MYH1: variants seen among roughly 807,000 people sequenced by gnomAD.
The protein encoded by MYH1 is myosin heavy chain 1.
A neutral mutation model predicts 225.6 loss-of-function variants in MYH1; 214 were observed. The observed-to-expected ratio is 0.95, with a 90% CI of 0.85 to 1.06. The LOEUF (loss-of-function observed/expected upper bound fraction) is 1.06, where lower values mean the gene tolerates loss of function less well. Among genes scored for constraint, MYH1 ranks in the 50% least tolerant of loss-of-function variants. The pLI is 0.00. For synonymous variants in MYH1, 774 were observed against 842.3 expected (o/e 0.92, Z 1.40); for missense variants, 2,098 against 2,344.2 (o/e 0.89, Z 2.17).
At position 10,498,978 on chromosome 17, in the gene MYH1, A is replaced by G. The variant is rs777358157; in HGVS notation, c.3980T>C (p.Ile1327Thr). 1.9e-6 allele frequency: 3 copies of G among 1,611,212 alleles called. No individual in the cohort carries two copies. The highest frequency in any genetic ancestry group is 1.7e-4 in the Middle Eastern group (1 of 6,058). ...AGAATGACAAGTGGAGCTTACCTTT[A>G]TCTCCTCTTCAAGTTGCCTTTTCAG... ...EELKRQLEEE[I>T]KAKSALAHAL... The change falls in exon 29 of 40, where the codon ATA becomes ACA. Residue 1327 changes from isoleucine to threonine, a missense_variant. Ile to Thr is a moderately conservative substitution (Grantham distance 89). Coordinates refer to ENST00000226207, the MANE Select transcript of MYH1 (RefSeq NM_005963.4).
rs1235182316 is a variant in MYH1 at position 10,495,307 on chromosome 17, A to G, written c.5180T>C (p.Leu1727Pro). 1 of 1,614,090 alleles carries G rather than the reference A, an allele frequency of 6.2e-7. No homozygotes were observed. The highest frequency in any genetic ancestry group is 1.3e-5 in the African/African-American group (1 of 75,016). Residue 1727 changes from leucine to proline, a missense_variant, in exon 36 of 40, where the codon CTG (leucine) becomes CCG (proline). Transcript: ENST00000226207. Reference protein sequence around the residue: ...VQLLHTQNTSLINTKKKLETD... With the variant: ...VQLLHTQNTSPINTKKKLETD... ...CTCCAGCTTCTTCTTGGTGTTGATC[A>G]GGCTGGTGTTCTGTTTAAAATGTGA...
At position 10,498,732 on chromosome 17, in the gene MYH1, C is replaced by G. The variant is rs2073021723; in HGVS notation, c.4075G>C (p.Ala1359Pro). ...TTGGACATTGCTCTCTGTAGCTCGG[C>G]CTTGGCTTCCTGCTCCTCCTCATAC... ...EQYEEEQEAK[A>P]ELQRAMSKAN... Residue 1359 changes from alanine (A) to proline (P), a missense_variant, in exon 30 of 40, where the codon GCC becomes CCC. Ala to Pro is a conservative substitution (Grantham distance 27). Coordinates refer to ENST00000226207, the MANE Select transcript of MYH1 (RefSeq NM_005963.4). The G allele has an allele frequency of 1.2e-6, 2 of 1,614,042 alleles. No homozygotes were observed. Among genetic ancestry groups the G allele is most frequent in the East Asian group, 2.2e-5 (1 of 44,906 alleles).
intron 14 of MYH1, among the ~76,000 whole-genome samples, chr17:10,510,943 T>C (rs1355123498): frequency 2.0e-5 from 3 of 151,560 alleles, no homozygotes; most frequent in African/African-American, 7.3e-5. Context: ...GATAAAGCTG[T>C]TACTTCAAAA....
intron 39 of MYH1, among the ~76,000 whole-genome samples, 173 bp from the exon 40 acceptor site, chr17:10,492,741 T>C (rs927090508): frequency 3.9e-5 from 6 of 152,216 alleles, no homozygotes; most frequent in Non-Finnish European, 5.9e-5. Context: ...CATTAGCTTC[T>C]TGAACTCATA....
At chr17:10,516,127 C>A (rs540316235) in intron 4 of MYH1, 45 bp from the exon 5 acceptor site, 1 of 1,613,040 alleles carries the variant, frequency 6.2e-7, no homozygotes, top group Non-Finnish European at 8.5e-7. Flanking sequence ...TTGATGGGGA[C>A]CTTAATCATC....
chr17:10,512,123 CTAG>C lies in MYH1; in HGVS notation c.1214_1216del (p.Pro405del). ...GACATACTCATTGCCGACCTTGACC[CTAG>C]GGTAGCAGAGGGCTTTGAGCAGATC... is the stretch of plus-strand genomic sequence containing the variant. On this transcript the variant is annotated inframe_deletion, in exon 13 of 40. Coordinates refer to ENST00000226207, the MANE Select transcript of MYH1 (RefSeq NM_005963.4). 1.2e-6 allele frequency: 2 copies of C among 1,614,162 alleles called. No individual in the cohort carries two copies. Among genetic ancestry groups the C allele is most frequent in the African/African-American group, 1.3e-5 (1 of 75,050 alleles).
rs781101531 is a variant in MYH1, at chr17:10,505,303, T to C, written c.2299-4A>G. The C allele has an allele frequency of 2.3e-5, 37 of 1,614,016 alleles. No homozygotes were observed. Among genetic ancestry groups the C allele is most frequent in the South Asian group, 1.2e-4 (11 of 91,086 alleles). On this transcript the variant is annotated splice_region_variant and splice_polypyrimidine_tract_variant and intron_variant, in intron 20 of 39. Transcript: ENST00000226207. Reference sequence around the variant, plus strand: ...GAAGACCAGCTTTGAAAAAGACCTATGTGTGGGAAGAATTTCAGATCAGAA... The same window carrying C: ...GAAGACCAGCTTTGAAAAAGACCTACGTGTGGGAAGAATTTCAGATCAGAA...
intron 37 of MYH1, 89 bp downstream of exon 37, chr17:10,494,842 A>ATGCC: frequency 6.2e-7 from 1 of 1,608,956 alleles, no homozygotes; most frequent in East Asian, 2.2e-5. Context: ...TCATCTCAGT[A>ATGCC]TGCCCCACAT....
chr17:10,515,927 A>G lies in MYH1; in HGVS notation c.504T>C (p.Thr168=), dbSNP rs781565546. The G allele has an allele frequency of 8.7e-6, 14 of 1,614,162 alleles. No individual in the cohort carries two copies. The highest frequency in any genetic ancestry group is 1.0e-5 in the Non-Finnish European group (12 of 1,180,032). ...ATGAAAACCAGCTGAGCCACTCACC[A>G]GTCAGCATGAACTGATAGGCATTGT... ...ISDNAYQFML[T]DRENQSILIT... Residue 168 remains threonine (T), a splice_region_variant and synonymous_variant, in exon 5 of 40, where the codon ACT becomes ACC. Transcript: ENST00000226207.
chr17:10,500,594 T>C (rs1338273838), intron 28 of MYH1, 32 bp downstream of exon 28: 2 of 1,610,946 alleles, frequency 1.2e-6, no homozygotes, highest in Middle Eastern at 2.1e-4. Context: ...GGTGAATTTG[T>C]CATTCAAGGT....
intron 38 of MYH1, 58 bp from the exon 39 acceptor site, chr17:10,494,507 T>C: frequency 1.2e-6 from 2 of 1,610,532 alleles, no homozygotes; most frequent in African/African-American, 1.3e-5. Context: ...CATTTTGTCA[T>C]ACATATGACT....
At chr17:10,509,394 A>C (rs750431056) in intron 15 of MYH1, 91 bp downstream of exon 15, 29 of 1,574,508 alleles carry the variant, frequency 1.8e-5, no homozygotes, top group Non-Finnish European at 2.3e-5. Flanking sequence ...ACAAGTAGAA[A>C]TATTTAGCCA....
In MYH1 at chr17:10,501,138, C is replaced by A. The variant is rs1484445072; in HGVS notation, c.3710G>T (p.Ser1237Ile). The A allele has an allele frequency of 6.2e-7, 1 of 1,614,020 alleles. No individual in the cohort carries two copies. The highest frequency in any genetic ancestry group is 1.7e-5 in the Admixed American group (1 of 60,004). ...EMKMEIDDLA[S>I]NMETVSKAKG... is the part of the protein sequence containing the mutation. ...GGCTTTGGAGACAGTCTCCATGTTA[C>A]TAGCAAGGTCATCGATCTCCATCTT... is the stretch of plus-strand genomic sequence containing the variant. The change falls in exon 27 of 40, where the codon AGT becomes ATT. Residue 1237 changes from serine to isoleucine, a missense_variant. Coordinates refer to ENST00000226207, the MANE Select transcript of MYH1 (RefSeq NM_005963.4).
Position 10,492,341 on chromosome 17 carries a change from A to G in MYH1, c.*75T>C, listed in dbSNP as rs1029912250. ...GATAAATTTTTTATCTCCAAAAGTC[A>G]TAAGTACAAAATGGAGTGACAAAGA... On this transcript the variant is annotated 3_prime_UTR_variant, in exon 40 of 40. Transcript: ENST00000226207. The G allele has an allele frequency of 1.3e-5, 20 of 1,552,732 alleles. No individual in the cohort carries two copies. In the African/African-American group the frequency reaches 1.8e-4, roughly 14 times the overall value.
intron 23 of MYH1, 23 bp downstream of exon 23, chr17:10,502,983 G>A (rs369866293): frequency 1.2e-6 from 2 of 1,614,016 alleles, no homozygotes; most frequent in Non-Finnish European, 1.7e-6. Context: ...CCTCTATACA[G>A]TACTGTAGAA....
chr17:10,497,862 C>T lies in MYH1; in HGVS notation c.4237G>A (p.Ala1413Thr), dbSNP rs751604967. The T allele has an allele frequency of 6.2e-7, 1 of 1,613,510 alleles. No homozygotes were observed. Among genetic ancestry groups the T allele is most frequent in the Admixed American group, 1.7e-5 (1 of 59,804 alleles). Residue 1413 changes from alanine (A) to threonine (T), a missense_variant, in exon 31 of 40, where the codon GCC (alanine) becomes ACC (threonine). By Grantham distance (58) the Ala-to-Thr change is moderately conservative. Transcript: ENST00000226207. ...GTCTTCTCAAGGGAAGCACATTTGG[C>T]ATTCACAGCTTCTACATGTTCCTCA... is the stretch of plus-strand genomic sequence containing the variant. The part of the protein sequence containing the change: ...DAEEHVEAVN[A>T]KCASLEKTKQ...
intron 28 of MYH1, 52 bp downstream of exon 28, chr17:10,500,574 A>G: frequency 6.2e-7 from 1 of 1,609,110 alleles, no homozygotes; most frequent in Non-Finnish European, 8.5e-7. Context: ...TCAGTGGATT[A>G]CACATGCAGG....
At chr17:10,512,325 A>C (rs758688734) in intron 12 of MYH1, 83 bp downstream of exon 12, 46 of 1,608,728 alleles carry the variant, frequency 2.9e-5, no homozygotes, top group Middle Eastern at 1.7e-4. Context: ...TCAGGAGCTC[A>C]GCTGTAAAGA....
chr17:10,506,446 A>C (rs923995587), intron 17 of MYH1, among the ~76,000 whole-genome samples: 5 of 151,962 alleles, frequency 3.3e-5, no homozygotes, highest in Non-Finnish European at 2.9e-5. Context: ...ACTACTAATC[A>C]ATGCCTTCCT....
Sources: allele counts gnomAD v4.1 joint callset (sites outside exome capture counted in the v4.1 genomes callset), GRCh38; gene constraint gnomAD v4.1.1; transcripts MANE v1.5; gene names NCBI Gene and HGNC (gene_info 2026-07-23, HGNC 2026-07-21).